ZCWPW1: variants seen among roughly 807,000 people sequenced by gnomAD.
ZCWPW1 encodes the protein zinc finger CW-type and PWWP domain containing 1, also known as zinc finger CW-type PWWP domain protein 1.
ZCWPW1 carries 56 observed loss-of-function variants against 81.3 expected under a neutral mutation model. That is an observed-to-expected ratio of 0.69 (90% CI 0.56 to 0.86). The LOEUF (loss-of-function observed/expected upper bound fraction) is 0.86, where lower values mean the gene tolerates loss of function less well. Among genes scored for constraint, ZCWPW1 ranks in the 40% least tolerant of loss-of-function variants. The probability of loss-of-function intolerance (pLI) is 0.00; values close to 1 mark genes in which losing one functional copy is unlikely to be tolerated. For synonymous variants in ZCWPW1, 250 were observed against 273.7 expected (o/e 0.91, Z 0.86); for missense variants, 650 against 769.8 (o/e 0.84, Z 1.84).
At chr7:100,405,644 T>C (rs1165094537) in intron 12 of ZCWPW1, among the ~76,000 whole-genome samples, 1 of 152,142 alleles carries the variant, frequency 6.6e-6, no homozygotes, top group East Asian at 1.9e-4. Context: ...GGTATATGTA[T>C]ATGTTTGGAG....
intron 6 of ZCWPW1, 127 bp downstream of exon 6, chr7:100,416,939 C>T: frequency 2.5e-6 from 2 of 796,208 alleles, no homozygotes; most frequent in Admixed American, 2.3e-5. Context: ...GAGCGAGACT[C>T]CGTCTCAAAA....
rs561508746 is a variant in ZCWPW1, at chr7:100,428,103, C to T, written c.-137+465G>A. 2.6e-5 allele frequency among the ~76,000 whole-genome samples: 4 copies of T among 152,262 alleles called. No homozygotes were observed. In the South Asian group the frequency reaches 8.3e-4, roughly 32 times the overall value. ...AAGTTTCTCCTCAGGCAACGGGTGC[C>T]AGGACTGGCAGCGCCTAGCACCTTC... On this transcript the variant is annotated intron_variant, in intron 1 of 17. Transcript: ENST00000684423.
rs929474586 is a variant in ZCWPW1, at chr7:100,416,221, T to C, written c.631+84A>G. ...TAGTCTCAAGTCTTGGGCTGAAAAT[T>C]CTCAGCCTGCCCATGGTCCCATTCC... On this transcript the variant is annotated intron_variant, in intron 7 of 17. Coordinates refer to ENST00000684423, the MANE Select transcript of ZCWPW1 (RefSeq NM_001386010.1). 6 of 1,589,980 alleles carry C rather than the reference T, an allele frequency of 3.8e-6. No individual in the cohort carries two copies. In the African/African-American group the frequency reaches 8.1e-5, roughly 22 times the overall value.
At chr7:100,415,831 T>G in intron 8 of ZCWPW1, 144 bp downstream of exon 8, 2 of 1,141,606 alleles carry the variant, frequency 1.8e-6, no homozygotes, top group East Asian at 2.4e-5. Context: ...ATGAAATTAT[T>G]CTTTCGGCAG....
intron 8 of ZCWPW1, 85 bp downstream of exon 8, chr7:100,415,889 GA>G: frequency 6.5e-7 from 1 of 1,542,826 alleles, no homozygotes; most frequent in Non-Finnish European, 8.8e-7. Context: ...ATTCTTTGCA[GA>G]GGTTCCTCTA....
At position 100,420,612 on chromosome 7, in the gene ZCWPW1, C is replaced by T. The variant is rs1271924286; in HGVS notation, c.28+10G>A. On this transcript the variant is annotated intron_variant, in intron 3 of 17. Transcript: ENST00000684423. ...ATGTATGAAGCGAACCTCCCTCACT[C>T]TTGACTCACCTTCTTTATTCTGCAA... 1 of 1,614,116 alleles carries T rather than the reference C, an allele frequency of 6.2e-7. No individual in the cohort carries two copies. Among genetic ancestry groups the T allele is most frequent in the Non-Finnish European group, 8.5e-7 (1 of 1,180,030 alleles).
chr7:100,422,330 T>C (rs1046339214), intron 2 of ZCWPW1, among the ~76,000 whole-genome samples: 7 of 152,178 alleles, frequency 4.6e-5, no homozygotes, highest in Non-Finnish European at 7.3e-5. Context: ...TAATAGCGTA[T>C]ACTGAAACAC....
At chr7:100,413,070 C>G (rs1437215765) in intron 8 of ZCWPW1, among the ~76,000 whole-genome samples, 1 of 152,090 alleles carries the variant, frequency 6.6e-6, no homozygotes, top group Non-Finnish European at 1.5e-5. Context: ...TAATCAAAGC[C>G]TAATACCTAA....
chr7:100,417,242 C>G, intron 5 of ZCWPW1, 59 bp from the exon 6 acceptor site: 1 of 1,343,734 alleles, frequency 7.4e-7, no homozygotes, highest in Non-Finnish European at 1.1e-6. Flanking sequence ...CACTCTATTA[C>G]TCCCTAACAT....
rs1474762205 is a variant in ZCWPW1 at position 100,409,474 on chromosome 7, A to G, written c.825T>C (p.Ile275=). The G allele has an allele frequency of 6.2e-7, 1 of 1,614,188 alleles. No individual in the cohort carries two copies. The highest frequency in any genetic ancestry group is 1.1e-5 in the South Asian group (1 of 91,080). The change falls in exon 9 of 18, where the codon ATT becomes ATC. Residue 275 remains isoleucine, a synonymous_variant. Coordinates refer to ENST00000684423, the MANE Select transcript of ZCWPW1 (RefSeq NM_001386010.1). The stretch of plus-strand genomic sequence containing the variant: ...AATTATCTGGGAGAACTGAGGGGTC[A>G]ATGTTCCCACACAGCCGCCTCCATT... ...CGKWRRLCGN[I]DPSVLPDNWS...
intron 8 of ZCWPW1, among the ~76,000 whole-genome samples, chr7:100,413,961 C>A (rs1272653164): frequency 4.6e-5 from 7 of 152,192 alleles, no homozygotes; most frequent in Non-Finnish European, 1.0e-4. Flanking sequence ...AACCAGAGAT[C>A]AGGTCAGTGG....
Position 100,402,008 on chromosome 7 carries a change from C to T in ZCWPW1, c.1508G>A (p.Arg503Gln), listed in dbSNP as rs569490892. 8.1e-6 allele frequency: 13 copies of T among 1,613,592 alleles called. No individual in the cohort carries two copies. Among genetic ancestry groups the T allele is most frequent in the African/African-American group, 1.3e-5 (1 of 75,004 alleles). The part of the protein sequence containing the change: ...LGGDAGTADG[R>Q]GRTLQRKIMK... ...TATCTTCCTCTGCAGTGTCCTGCCT[C>T]GGCCATCTGCTGTGCCTGCATCACC... The change falls in exon 17 of 18, where the codon CGA (arginine) becomes CAA (glutamine). Residue 503 changes from arginine to glutamine, a missense_variant. Coordinates refer to ENST00000684423, the MANE Select transcript of ZCWPW1 (RefSeq NM_001386010.1).
chr7:100,420,242 G>C (rs1225237710), intron 3 of ZCWPW1, among the ~76,000 whole-genome samples: 4 of 152,158 alleles, frequency 2.6e-5, no homozygotes, highest in Non-Finnish European at 5.9e-5. Context: ...TGGAAAATTA[G>C]AGCAAATTTT....
intron 17 of ZCWPW1, 95 bp from the exon 18 acceptor site, chr7:100,401,431 C>G (rs1308888123): frequency 2.6e-6 from 3 of 1,172,630 alleles, no homozygotes; most frequent in African/African-American, 3.1e-5. Context: ...TCCAAGAAAT[C>G]TCTGGAAAAG....
At chr7:100,427,894 C>T (rs1176470379) in intron 1 of ZCWPW1, among the ~76,000 whole-genome samples, 1 of 151,884 alleles carries the variant, frequency 6.6e-6, no homozygotes, top group African/African-American at 2.4e-5. Flanking sequence ...CCGTCCCCTC[C>T]CTTCCTTCCT....
chr7:100,412,585 T>G (rs1794393511), intron 8 of ZCWPW1, among the ~76,000 whole-genome samples: 1 of 152,162 alleles, frequency 6.6e-6, no homozygotes, highest in African/African-American at 2.4e-5. Context: ...TATTTTTTTT[T>G]TATTTATTTT....
chr7:100,407,314 T>C lies in ZCWPW1; in HGVS notation c.993-11A>G, dbSNP rs1383372931. 6 of 1,611,684 alleles carry C rather than the reference T, an allele frequency of 3.7e-6. No homozygotes were observed. The highest frequency in any genetic ancestry group is 1.7e-5 in the Admixed American group (1 of 59,776). ...ATCATGCCTGGCCACCTGGAGAAGA[T>C]AGTTGGGTGTAGGGGACAGAAGAGA... On this transcript the variant is annotated splice_polypyrimidine_tract_variant and intron_variant, in intron 10 of 17. Transcript: ENST00000684423.
At chr7:100,425,643 T>A (rs1797190149) in intron 1 of ZCWPW1, among the ~76,000 whole-genome samples, 1 of 152,184 alleles carries the variant, frequency 6.6e-6, no homozygotes, top group African/African-American at 2.4e-5. Flanking sequence ...CATGTACTTT[T>A]ACAAAAACAA....
At chr7:100,420,284 C>T (rs1364624969) in intron 3 of ZCWPW1, among the ~76,000 whole-genome samples, 1 of 152,176 alleles carries the variant, frequency 6.6e-6, no homozygotes, top group Non-Finnish European at 1.5e-5. Flanking sequence ...AAATTATTCA[C>T]AGCTCTTATG....
Sources: gnomAD v4.1 joint callset for allele counts (sites outside exome capture counted in the v4.1 genomes callset) on GRCh38, gnomAD v4.1.1 for gene constraint, MANE v1.5 for transcripts, NCBI Gene and HGNC (gene_info 2026-07-23, HGNC 2026-07-21) for gene names.